DAB2IP: variants seen among roughly 807,000 people sequenced by gnomAD.
The protein encoded by DAB2IP is DAB2 interacting protein, also known as disabled homolog 2-interacting protein.
In DAB2IP, 28 loss-of-function variants were observed where a neutral mutation model predicts 107.2. The ratio of observed to expected loss-of-function variants is 0.26; its 90% CI spans 0.19 to 0.36. The LOEUF (loss-of-function observed/expected upper bound fraction) is 0.36. DAB2IP is among the 10% of genes least tolerant of loss of function. The pLI is 1.00. For missense variants in DAB2IP, 1,400 were observed against 1,644.7 expected, an observed-to-expected ratio of 0.85 and a Z score of 2.57; for synonymous variants, 755 against 706.4, an observed-to-expected ratio of 1.07 and a Z score of -1.09.
chr9:121,662,752 G>A lies in DAB2IP; in HGVS notation c.124+10853G>A, dbSNP rs1248387547. ...AGAAGCCTATGCTTCCAAGTGTGTC[G>A]AATTGCATTGTGTGTTTAAAAATGG... On this transcript the variant is annotated intron_variant, in intron 1 of 15. Coordinates refer to ENST00000408936, the Ensembl canonical transcript of DAB2IP. This position sits in a 1 kb window ranked among gnomAD's most constrained non-coding sequence, Gnocchi z 4.6. Among the ~76,000 whole-genome samples, 3 of 152,100 alleles carry A rather than the reference G, an allele frequency of 2.0e-5. No individual in the cohort carries two copies. Among genetic ancestry groups the A allele is most frequent in the Non-Finnish European group, 2.9e-5 (2 of 67,992 alleles).
At chr9:121,581,873 C>T (rs1398174511) in intron 1 of DAB2IP, among the ~76,000 whole-genome samples, 5 of 152,230 alleles carry the variant, frequency 3.3e-5, no homozygotes, top group Admixed American at 6.5e-5. Flanking sequence ...GCTCCAGCCC[C>T]TGTCCCCAGC....
chr9:121,640,150 G>T (rs1286370705), intron 1 of DAB2IP, among the ~76,000 whole-genome samples: 1 of 152,194 alleles, frequency 6.6e-6, no homozygotes, highest in East Asian at 1.9e-4. Flanking sequence ...AGCCCTGGGA[G>T]TCCTGGGTGA....
intron 1 of DAB2IP, among the ~76,000 whole-genome samples, chr9:121,588,594 A>G (rs1589380678): frequency 2.9e-4 from 12 of 40,716 alleles, no homozygotes; most frequent in African/African-American, 5.8e-4. Context: ...GGGAAGGGGG[A>G]AGGGGGAATG....
At chr9:121,585,319 T>G (rs1830288903) in intron 1 of DAB2IP, among the ~76,000 whole-genome samples, 1 of 152,116 alleles carries the variant, frequency 6.6e-6, no homozygotes, top group Non-Finnish European at 1.5e-5. Context: ...AAATCCCAGC[T>G]CTGTCCCTTA....
intron 3 of DAB2IP, among the ~76,000 whole-genome samples, chr9:121,747,924 A>G (rs1437815672): frequency 1.3e-5 from 2 of 151,488 alleles, no homozygotes; most frequent in Non-Finnish European, 2.9e-5. Flanking sequence ...ATGTTTTTTG[A>G]AAACTCCATT....
At chr9:121,725,559 G>A (rs1369695340) in intron 3 of DAB2IP, among the ~76,000 whole-genome samples, 1 of 152,214 alleles carries the variant, frequency 6.6e-6, no homozygotes, top group Non-Finnish European at 1.5e-5. Context: ...GCCAATCTCT[G>A]CCCTCAAGGG....
intron 1 of DAB2IP, among the ~76,000 whole-genome samples, chr9:121,626,584 C>T (rs979859145): frequency 9.2e-5 from 14 of 151,908 alleles, no homozygotes; most frequent in Non-Finnish European, 1.5e-5. Flanking sequence ...CCACCATGCC[C>T]AGCTAATTTT....
chr9:121,626,247 C>A (rs901155046), intron 1 of DAB2IP, among the ~76,000 whole-genome samples: 7 of 151,828 alleles, frequency 4.6e-5, no homozygotes, highest in African/African-American at 1.7e-4. Flanking sequence ...ACTGGGCATC[C>A]CTGGAGGCTG....
chr9:121,608,973 G>T (rs564765701), intron 1 of DAB2IP, among the ~76,000 whole-genome samples: 11 of 152,102 alleles, frequency 7.2e-5, no homozygotes, highest in African/African-American at 2.7e-4. Context: ...ACAGCGTCTC[G>T]CTCTGTCGCC....
chr9:121,654,360 G>C (rs988603478), intron 1 of DAB2IP, among the ~76,000 whole-genome samples: 4 of 152,216 alleles, frequency 2.6e-5, no homozygotes, highest in Non-Finnish European at 5.9e-5. Flanking sequence ...GGGAGGCCAA[G>C]GCAGGAGGAA....
chr9:121,710,052 G>A (rs1001285497), intron 3 of DAB2IP, among the ~76,000 whole-genome samples: 4 of 152,090 alleles, frequency 2.6e-5, no homozygotes, highest in African/African-American at 9.7e-5. Flanking sequence ...GGAAGCGTGA[G>A]TTGCATGGCC....
chr9:121,667,417 G>A (rs1293851753), intron 1 of DAB2IP, among the ~76,000 whole-genome samples: 1 of 152,150 alleles, frequency 6.6e-6, no homozygotes, highest in African/African-American at 2.4e-5. Context: ...TTCCACGTGG[G>A]AGCTATGTTT....
At chr9:121,688,205 A>G (rs1265854242) in intron 2 of DAB2IP, among the ~76,000 whole-genome samples, 2 of 152,196 alleles carry the variant, frequency 1.3e-5, no homozygotes, top group African/African-American at 4.8e-5. Flanking sequence ...AAATGAAACG[A>G]TCAAGTGGTA....
chr9:121,607,907 G>C lies in DAB2IP; in HGVS notation c.40+40679G>C, dbSNP rs913253571. On this transcript the variant is annotated intron_variant, in intron 1 of 16. Transcript: ENST00000259371. ...GTCTACCAGGCAACGGCTGTTTGCC[G>C]GGAGCAGCAGGACCCAGCCAGAAGA... is the stretch of plus-strand genomic sequence containing the variant. Among the ~76,000 whole-genome samples, 6 of 152,330 alleles carry C rather than the reference G, an allele frequency of 3.9e-5. No individual in the cohort carries two copies. The South Asian group carries it at 6.2e-4, about 16-fold the overall frequency.
intron 12 of DAB2IP, 48 bp downstream of exon 12, chr9:121,773,543 G>A: frequency 7.0e-7 from 1 of 1,422,858 alleles, no homozygotes; most frequent in Non-Finnish European, 9.2e-7. Flanking sequence ...GGGCCCAGCT[G>A]GGGCTGTCAT....
chr9:121,642,179 C>T (rs377701809), intron 1 of DAB2IP, among the ~76,000 whole-genome samples: 12 of 151,184 alleles, frequency 7.9e-5, no homozygotes, highest in African/African-American at 2.9e-4. Context: ...CTCCCTGGCT[C>T]AAGCAATCCT....
intron 1 of DAB2IP, among the ~76,000 whole-genome samples, chr9:121,571,700 G>GA (rs2118883535): frequency 6.6e-6 from 1 of 152,190 alleles, no homozygotes; most frequent in Non-Finnish European, 1.5e-5. Flanking sequence ...CATGGTGGGG[G>GA]ATCCGCAGCC....
intron 1 of DAB2IP, among the ~76,000 whole-genome samples, chr9:121,584,925 T>C (rs1428869274): frequency 6.6e-6 from 1 of 152,192 alleles, no homozygotes; most frequent in Non-Finnish European, 1.5e-5. Flanking sequence ...GTGGGGTCTT[T>C]CTGCATTTCC....
chr9:121,568,871 G>A (rs1003753700), intron 1 of DAB2IP, among the ~76,000 whole-genome samples: 3 of 152,222 alleles, frequency 2.0e-5, no homozygotes, highest in African/African-American at 7.2e-5. Context: ...GGCAAGGCTG[G>A]AAACTGAGGC....
Sources: allele counts gnomAD v4.1 joint callset (sites outside exome capture counted in the v4.1 genomes callset), GRCh38; gene constraint gnomAD v4.1.1; non-coding constraint Gnocchi (gnomAD v3.1); transcripts MANE v1.5; gene names NCBI Gene and HGNC (gene_info 2026-07-23, HGNC 2026-07-21).